Variants in STMND1 observed in about 807,000 individuals in gnomAD.
STMND1 encodes stathmin domain containing 1, also known as stathmin domain-containing protein 1.
STMND1 carries 17 observed loss-of-function variants against 23.0 expected under a neutral mutation model. The observed-to-expected ratio is 0.74, with a 90% confidence interval of 0.51 to 1.11. The LOEUF (loss-of-function observed/expected upper bound fraction) is 1.11, where lower values mean the gene tolerates loss of function less well. Ranked by LOEUF, STMND1 falls within the 50% of genes least tolerant of loss-of-function variation. STMND1 has a pLI of 0.00. For missense variants in STMND1, 305 were observed against 329.1 expected, an observed-to-expected ratio of 0.93 and a Z score of 0.57; for synonymous variants, 114 against 119.9, an observed-to-expected ratio of 0.95 and a Z score of 0.32.
rs763589934 is a variant in STMND1, at chr6:17,102,244, C to G, written c.-14C>G. On this transcript the variant is annotated 5_prime_UTR_variant, in exon 1 of 5. Transcript: ENST00000536551. ...AGCAGCCAAGCCCGCGGAGGAGGAGCGCGCGCGCGCAGCATGGGCTGTGGA... is the reference window on the plus strand; with the variant it reads ...AGCAGCCAAGCCCGCGGAGGAGGAGGGCGCGCGCGCAGCATGGGCTGTGGA... 6.7e-7 allele frequency: 1 copy of G among 1,494,996 alleles called. No individual in the cohort carries two copies. The highest frequency in any genetic ancestry group is 1.4e-5 in the African/African-American group (1 of 70,348). The allele number at this position is 1,494,996 out of a possible 1,614,324, so 92.6% of individuals were successfully genotyped here. A position where few individuals can be genotyped will look rare whatever the true frequency, so the allele number is the denominator to read the frequency against.
At chr6:17,108,696 C>CTTTTT (rs10653504) in intron 1 of STMND1, among the ~76,000 whole-genome samples, 11 of 138,732 alleles carry the variant, frequency 7.9e-5, no homozygotes, top group African/African-American at 1.3e-4. Context: ...TTTTCTTTTT[C>CTTTTT]TTTTTTTTTT....
In STMND1 at chr6:17,119,321, C is replaced by T. The variant is rs544697094; in HGVS notation, c.260-1286C>T. 2.0e-4 allele frequency among the ~76,000 whole-genome samples: 31 copies of T among 152,206 alleles called. No individual in the cohort carries two copies. The Middle Eastern group carries it at 0.01, about 50-fold the overall frequency. ...GTTAATATGCTGAAGTGAGAGGCAT[C>T]TGATTAGTGTGTGTGTGTGTGCGTC... On this transcript the variant is annotated intron_variant, in intron 2 of 4. Coordinates refer to ENST00000536551, the MANE Select transcript of STMND1 (RefSeq NM_001190766.2).
intron 2 of STMND1, among the ~76,000 whole-genome samples, chr6:17,117,868 G>A (rs570576433): frequency 5.3e-4 from 80 of 150,534 alleles, no homozygotes; most frequent in African/African-American, 1.8e-3. Context: ...TAGTAGAGAC[G>A]GAGTTTCACC....
intron 1 of STMND1, among the ~76,000 whole-genome samples, chr6:17,104,872 C>G (rs9370960): frequency 0.48 from 72,518 of 151,984 alleles, 17,497 homozygotes; most frequent in East Asian, 0.55. Flanking sequence ...CCCCAGTTTT[C>G]TTATTTGTAA....
intron 3 of STMND1, chr6:17,127,796 C>G (rs1391788906): frequency 6.6e-6 from 1 of 152,144 alleles, no homozygotes; most frequent in Non-Finnish European, 1.5e-5. Context: ...ATATTCAGTT[C>G]ATTTTGTAAT....
At chr6:17,130,568 T>C in intron 4 of STMND1, 26 bp from the exon 5 acceptor site, 1 of 1,461,178 alleles carries the variant, frequency 6.8e-7, no homozygotes, top group Non-Finnish European at 9.0e-7. Flanking sequence ...TCACGCTCTT[T>C]TTCATTCTTT....
intron 1 of STMND1, among the ~76,000 whole-genome samples, chr6:17,107,316 G>A (rs554093241): frequency 2.6e-5 from 4 of 152,088 alleles, no homozygotes; most frequent in South Asian, 2.1e-4. Flanking sequence ...ACACCTGTCC[G>A]TATTTAAAAG....
intron 2 of STMND1, among the ~76,000 whole-genome samples, chr6:17,117,667 CTTTTTTTT>C (rs34107338): frequency 2.0e-5 from 1 of 49,566 alleles, no homozygotes; most frequent in African/African-American, 8.6e-5. Flanking sequence ...TTGGGTTACG[CTTTTTTTT>C]TTTTTTTTTT....
chr6:17,102,526 GCATA>G (rs1760956794), intron 1 of STMND1, among the ~76,000 whole-genome samples, 188 bp downstream of exon 1: 4 of 152,144 alleles, frequency 2.6e-5, no homozygotes, highest in Admixed American at 1.3e-4. Context: ...CTAGACGGAT[GCATA>G]AATATCAAAA....
At position 17,130,810 on chromosome 6, in the gene STMND1, G is replaced by C. The variant is rs997664982; in HGVS notation, c.760G>C (p.Glu254Gln). Reference sequence around the variant, plus strand: ...TGATGCAACCTTGATTGATAGAAACGAAAGTGATGAAAGTTTTGGGGTCGT... The same window carrying C: ...TGATGCAACCTTGATTGATAGAAACCAAAGTGATGAAAGTTTTGGGGTCGT... Reference protein sequence around the residue: ...KCDATLIDRNESDESFGVVES... With the variant: ...KCDATLIDRNQSDESFGVVES... Residue 254 changes from glutamate to glutamine, a missense_variant, in exon 5 of 5, where the codon GAA (glutamate) becomes CAA (glutamine). Glu to Gln is a conservative substitution (Grantham distance 29, BLOSUM62 2). Transcript: ENST00000536551. 9.0e-5 allele frequency: 139 copies of C among 1,535,986 alleles called. 1 individual carries two copies. The African/African-American group carries it at 1.7e-3, about 19-fold the overall frequency.
At chr6:17,111,432 A>T (rs1761095497) in intron 1 of STMND1, among the ~76,000 whole-genome samples, 1 of 152,216 alleles carries the variant, frequency 6.6e-6, no homozygotes, top group Non-Finnish European at 1.5e-5. Flanking sequence ...ATTCACAGAT[A>T]TTATTCCAAC....
chr6:17,109,085 G>A (rs908211125), intron 1 of STMND1, among the ~76,000 whole-genome samples: 5 of 152,136 alleles, frequency 3.3e-5, no homozygotes, highest in African/African-American at 1.2e-4. Flanking sequence ...TTACTCTACA[G>A]GGACAAGATG....
chr6:17,110,471 C>A (rs1761081774), intron 1 of STMND1: 1 of 172,702 alleles, frequency 5.8e-6, no homozygotes, highest in Non-Finnish European at 1.2e-5. Flanking sequence ...AAAGTCAAAT[C>A]AATAGACATT....
At position 17,130,977 on chromosome 6, in the gene STMND1, A is replaced by G; in HGVS notation, c.*96A>G. The G allele has an allele frequency of 8.3e-7, 1 of 1,209,630 alleles. No individual in the cohort carries two copies. The highest frequency in any genetic ancestry group is 1.1e-6 in the Non-Finnish European group (1 of 891,324). 74.9% of individuals were successfully genotyped at this position (1,209,630 alleles called of 1,614,324 possible). A position where few individuals can be genotyped will look rare whatever the true frequency, so the allele number is the denominator to read the frequency against. ...TTCTTTGACTGACTGACCTCATTCC[A>G]CTGGGATTTCTGCCTTGGGCTTAAG... On this transcript the variant is annotated 3_prime_UTR_variant, in exon 5 of 5. Transcript: ENST00000536551.
intron 3 of STMND1, 130 bp downstream of exon 3, chr6:17,120,888 T>TC (rs1399319096): frequency 3.7e-6 from 3 of 801,892 alleles, no homozygotes; most frequent in Non-Finnish European, 5.6e-6. Context: ...GTCAGATTTT[T>TC]CTCCCTTAAA....
At chr6:17,103,743 TG>T (rs1310626717) in intron 1 of STMND1, among the ~76,000 whole-genome samples, 4 of 152,132 alleles carry the variant, frequency 2.6e-5, no homozygotes, top group African/African-American at 9.6e-5. Context: ...AGCTAATTTT[TG>T]TATTTTTATT....
chr6:17,114,702 G>A (rs1164386545), intron 1 of STMND1, among the ~76,000 whole-genome samples: 1 of 152,214 alleles, frequency 6.6e-6, no homozygotes, highest in Admixed American at 6.5e-5. Context: ...TGTGAGTGAT[G>A]AGGAGCAGCT....
intron 3 of STMND1, among the ~76,000 whole-genome samples, chr6:17,125,398 C>T (rs1391388233): frequency 2.0e-5 from 3 of 152,206 alleles, no homozygotes; most frequent in South Asian, 4.1e-4. Context: ...TTATTGAGTT[C>T]GTCTTTTATC....
At chr6:17,128,182 A>G (rs547202436) in intron 3 of STMND1, 1 of 152,342 alleles carries the variant, frequency 6.6e-6, no homozygotes, top group East Asian at 1.9e-4. Context: ...TGACAATTTT[A>G]CTTATTTTGG....
Sources: gnomAD v4.1 joint callset for allele counts (sites outside exome capture counted in the v4.1 genomes callset) on GRCh38, gnomAD v4.1.1 for gene constraint, MANE v1.5 for transcripts, NCBI Gene and HGNC (gene_info 2026-07-23, HGNC 2026-07-21) for gene names.